GRID2: variants seen among roughly 807,000 people sequenced by gnomAD.
GRID2 encodes glutamate ionotropic receptor delta type subunit 2.
Under a neutral mutation model 114.8 loss-of-function variants are expected in GRID2, and 33 were observed. The ratio of observed to expected loss-of-function variants is 0.29; its 90% CI spans 0.22 to 0.38. The LOEUF (loss-of-function observed/expected upper bound fraction) is 0.38. Ranked by LOEUF, GRID2 falls within the 10% of genes least tolerant of loss-of-function variation. The pLI is 1.00. For synonymous variants in GRID2, 505 were observed against 449.9 expected, an observed-to-expected ratio of 1.12 and a Z score of -1.55; for missense variants, 1,184 against 1,257.7, an observed-to-expected ratio of 0.94 and a Z score of 0.89.
intron 8 of GRID2, among the ~76,000 whole-genome samples, chr4:93,262,075 T>C (rs972862155): frequency 6.6e-6 from 1 of 151,356 alleles, no homozygotes; most frequent in Non-Finnish European, 1.5e-5. Context: ...ATTATAAATA[T>C]TAAATGTATA....
chr4:93,734,231 C>T (rs1730733317), intron 14 of GRID2, among the ~76,000 whole-genome samples: 1 of 151,992 alleles, frequency 6.6e-6, no homozygotes, highest in Admixed American at 6.6e-5. Flanking sequence ...CTAAATTCTC[C>T]AGGAATATTT....
intron 1 of GRID2, among the ~76,000 whole-genome samples, chr4:92,415,710 A>ATGTGTG (rs113594102): frequency 9.3e-6 from 1 of 107,504 alleles, no homozygotes; most frequent in African/African-American, 3.3e-5. Flanking sequence ...ATGCGCATGT[A>ATGTGTG]TGTGTGTGTG....
intron 2 of GRID2, among the ~76,000 whole-genome samples, chr4:92,809,308 T>A (rs2149377716): frequency 6.6e-6 from 1 of 152,098 alleles, no homozygotes; most frequent in South Asian, 2.1e-4. Flanking sequence ...AAATTGAACC[T>A]GCATAAAAAA....
intron 13 of GRID2, among the ~76,000 whole-genome samples, chr4:93,564,740 A>G (rs1735249728): frequency 6.6e-6 from 1 of 152,076 alleles, no homozygotes; most frequent in East Asian, 1.9e-4. Flanking sequence ...CATAACAGAG[A>G]TGAGCTAGCT....
chr4:93,212,257 A>T (rs147944914), intron 5 of GRID2, among the ~76,000 whole-genome samples: 57 of 152,314 alleles, frequency 3.7e-4, no homozygotes, highest in African/African-American at 1.2e-3. Context: ...ATCTTATTGC[A>T]TCAATAGTTT....
At chr4:92,462,717 A>AT (rs1323507309) in intron 1 of GRID2, among the ~76,000 whole-genome samples, 1 of 151,958 alleles carries the variant, frequency 6.6e-6, no homozygotes, top group Non-Finnish European at 1.5e-5. Context: ...TTTAAAAAAA[A>AT]AGTAAATTCC....
intron 2 of GRID2, among the ~76,000 whole-genome samples, chr4:93,066,335 T>C (rs1728291830): frequency 6.6e-6 from 1 of 151,998 alleles, no homozygotes; most frequent in Non-Finnish European, 1.5e-5. Context: ...AAATAGACCA[T>C]TATTTGATGA....
intron 2 of GRID2, among the ~76,000 whole-genome samples, chr4:92,744,128 G>A (rs896616000): frequency 1.3e-5 from 2 of 152,052 alleles, no homozygotes; most frequent in African/African-American, 2.4e-5. Context: ...TTTACCCTGT[G>A]TATTTCCAGT....
chr4:93,115,679 C>A (rs1733175254), intron 4 of GRID2, among the ~76,000 whole-genome samples: 2 of 151,974 alleles, frequency 1.3e-5, no homozygotes, highest in South Asian at 2.1e-4. Context: ...ACTGGGGAGG[C>A]CTCAGAATCA....
chr4:92,950,004 AG>A (rs1226378835), intron 2 of GRID2, among the ~76,000 whole-genome samples: 7 of 152,106 alleles, frequency 4.6e-5, no homozygotes, highest in African/African-American at 1.7e-4. Context: ...TTAGGGCAAA[AG>A]AAATACCTAT....
chr4:93,607,682 C>T (rs950278201), intron 13 of GRID2, among the ~76,000 whole-genome samples: 1 of 152,104 alleles, frequency 6.6e-6, no homozygotes, highest in African/African-American at 2.4e-5. Flanking sequence ...CTCCATACAT[C>T]TCCACCAGCA....
intron 1 of GRID2, among the ~76,000 whole-genome samples, chr4:92,559,603 T>C (rs1033698234): frequency 1.3e-5 from 2 of 152,158 alleles, no homozygotes; most frequent in Non-Finnish European, 2.9e-5. Context: ...CAAAGCAAGG[T>C]ATGAGTCAAA....
intron 2 of GRID2, among the ~76,000 whole-genome samples, chr4:92,891,240 A>G (rs978887459): frequency 6.6e-6 from 1 of 152,304 alleles, no homozygotes; most frequent in African/African-American, 2.4e-5. Context: ...CGTTCTGCAC[A>G]TATATCCCAG....
At chr4:92,595,137 G>A (rs1043960606) in intron 2 of GRID2, among the ~76,000 whole-genome samples, 2 of 151,876 alleles carry the variant, frequency 1.3e-5, no homozygotes, top group Non-Finnish European at 1.5e-5. Context: ...AAAATAAGCT[G>A]CATCGTGAAT....
chr4:93,348,648 T>G (rs1003738779), intron 8 of GRID2, among the ~76,000 whole-genome samples: 1 of 152,048 alleles, frequency 6.6e-6, no homozygotes, highest in Non-Finnish European at 1.5e-5. Context: ...CCTCTAGAAT[T>G]TGGGGGACAT....
At chr4:93,373,697 C>T (rs998202350) in intron 8 of GRID2, among the ~76,000 whole-genome samples, 3 of 152,176 alleles carry the variant, frequency 2.0e-5, no homozygotes, top group South Asian at 4.2e-4. Flanking sequence ...GCCTTAATAC[C>T]TAAAGCAGCC....
chr4:93,130,443 CAG>C (rs368081744), intron 4 of GRID2, among the ~76,000 whole-genome samples: 2 of 151,722 alleles, frequency 1.3e-5, no homozygotes, highest in Non-Finnish European at 2.9e-5. Flanking sequence ...AACCCTGTCT[CAG>C]GGGGAAAAAA....
intron 2 of GRID2, among the ~76,000 whole-genome samples, chr4:92,955,442 T>C (rs1470870830): frequency 9.2e-5 from 14 of 152,090 alleles, no homozygotes; most frequent in South Asian, 2.1e-4. Context: ...TCATGTCCTT[T>C]GCCCACTTTT....
At chr4:93,219,027 C>A (rs868634029) in intron 6 of GRID2, among the ~76,000 whole-genome samples, 1 of 152,068 alleles carries the variant, frequency 6.6e-6, no homozygotes, top group East Asian at 1.9e-4. Context: ...ATGGGAACTA[C>A]AATTCAAGAT....
Sources: gnomAD v4.1 joint callset for allele counts (sites outside exome capture counted in the v4.1 genomes callset) on GRCh38, gnomAD v4.1.1 for gene constraint, MANE v1.5 for transcripts, NCBI Gene and HGNC (gene_info 2026-07-23, HGNC 2026-07-21) for gene names.